Variants in RASL12 observed in about 807,000 individuals in gnomAD.
RASL12 encodes the protein ras-like protein family member 12.
In RASL12, 16 loss-of-function variants were observed where a neutral mutation model predicts 22.9. That is an observed-to-expected ratio of 0.70 (90% CI 0.47 to 1.06). The LOEUF (loss-of-function observed/expected upper bound fraction) is 1.06. Ranked by LOEUF, RASL12 falls within the 50% of genes least tolerant of loss-of-function variation. The pLI, the probability that RASL12 is intolerant of heterozygous loss-of-function variation, is 0.00. For missense variants in RASL12, 306 were observed against 353.1 expected, an observed-to-expected ratio of 0.87 and a Z score of 1.07; for synonymous variants, 159 against 152.2, an observed-to-expected ratio of 1.04 and a Z score of -0.33.
At chr15:65,049,252 T>G (rs974771450), downstream of RASL12, 1 of 147,458 alleles carries the variant, frequency 6.8e-6, no homozygotes, top group African/African-American at 2.5e-5. Flanking sequence ...CTACACGAAG[T>G]AAGGGATTTA....
At chr15:65,075,170 C>A (rs1395004188) in intron 1 of RASL12, among the ~76,000 whole-genome samples, 1 of 152,248 alleles carries the variant, frequency 6.6e-6, no homozygotes. Context: ...GCACCCGGGC[C>A]AGTGGCTGCG....
the RASL12 span, among the ~76,000 whole-genome samples, chr15:65,047,795 T>TGATAGATAGATA: frequency 1.9e-3 from 280 of 149,946 alleles, no homozygotes; most frequent in African/African-American, 3.3e-3. Context: ...GATCGATAGA[T>TGATAGATAGATA]GATAGATAGA....
chr15:65,068,386 C>T (rs1335815903), upstream of RASL12: 11 of 729,756 alleles, frequency 1.5e-5, no homozygotes, highest in African/African-American at 1.9e-5. The surrounding 1 kb of genome is among the most constrained non-coding windows in gnomAD (Gnocchi z 4.2). Context: ...CCAAGCCTTG[C>T]CCTTTCTTTA....
chr15:65,053,975 G>A lies in RASL12; in HGVS notation c.*924C>T, dbSNP rs2086693417. 2.0e-6 allele frequency: 2 copies of A among 985,748 alleles called. No individual in the cohort carries two copies. The highest frequency in any genetic ancestry group is 6.1e-5 in the Admixed American group (1 of 16,268). The allele number at this position is 985,748 out of a possible 1,614,324, so 61.1% of individuals were successfully genotyped here. On this transcript the variant is annotated 3_prime_UTR_variant, in exon 5 of 5. Transcript: ENST00000220062. ...TGAACACTCAGACTCATTGCTGAGGGTCCTGGGTCCTGCCAAACCAGATGA... is the reference window on the plus strand; with the variant it reads ...TGAACACTCAGACTCATTGCTGAGGATCCTGGGTCCTGCCAAACCAGATGA...
At chr15:65,045,859 C>T in the RASL12 span, among the ~76,000 whole-genome samples, 3 of 152,238 alleles carry the variant, frequency 2.0e-5, no homozygotes, top group African/African-American at 4.8e-5. Flanking sequence ...AAACTGGATA[C>T]GTGCTTTGAT....
intron 4 of RASL12, among the ~76,000 whole-genome samples, chr15:65,058,089 C>T (rs754701951): frequency 1.3e-5 from 2 of 152,076 alleles, no homozygotes; most frequent in Non-Finnish European, 1.5e-5. Flanking sequence ...GCCAAAAAGG[C>T]GAAACCCCAT....
downstream of RASL12, chr15:65,053,240 T>C: frequency 6.5e-7 from 1 of 1,538,186 alleles, no homozygotes; most frequent in Non-Finnish European, 8.7e-7. Context: ...ACCTCTCAGG[T>C]TTTAGAGTCT....
intron 1 of RASL12, among the ~76,000 whole-genome samples, chr15:65,066,476 T>C (rs981074762): frequency 1.3e-5 from 2 of 152,000 alleles, no homozygotes; most frequent in East Asian, 1.9e-4. Flanking sequence ...GATCGCGCCA[T>C]TGTACTCCAG....
In RASL12 at chr15:65,053,952, A is replaced by G. The variant is rs1242914190; in HGVS notation, c.*947T>C. 3.0e-6 allele frequency: 3 copies of G among 985,752 alleles called. No homozygotes were observed. The African/African-American group carries it at 5.2e-5, about 17-fold the overall frequency. The allele number at this position is 985,752 out of a possible 1,614,324, so 61.1% of individuals were successfully genotyped here. On this transcript the variant is annotated 3_prime_UTR_variant, in exon 5 of 5. Coordinates refer to ENST00000220062, the MANE Select transcript of RASL12 (RefSeq NM_016563.4). ...GCTTTAGGTTCTAAAGTGGGCTTTGAACACTCAGACTCATTGCTGAGGGTC... is the reference window on the plus strand; with the variant it reads ...GCTTTAGGTTCTAAAGTGGGCTTTGGACACTCAGACTCATTGCTGAGGGTC...
intron 3 of RASL12, 141 bp from the exon 4 acceptor site, chr15:65,058,758 A>C: frequency 1.6e-6 from 1 of 616,646 alleles, no homozygotes; most frequent in Non-Finnish European, 2.6e-6. Flanking sequence ...GGGGCACTTG[A>C]GTGTGGATTT....
chr15:65,049,009 C>CA (rs67842486), downstream of RASL12, among the ~76,000 whole-genome samples: 46,307 of 94,118 alleles, frequency 0.49, 10,297 homozygotes, highest in South Asian at 0.61. Flanking sequence ...GACTCCGTCT[C>CA]AAAAAAAAAA....
At chr15:65,050,833 CTTCTTTTTT>C (rs1411724933), downstream of RASL12, among the ~76,000 whole-genome samples, 3 of 88,600 alleles carry the variant, frequency 3.4e-5, no homozygotes, top group African/African-American at 9.1e-5. Flanking sequence ...TCTTCTTCTT[CTTCTTTTTT>C]TTTTTTTTTT....
At chr15:65,062,624 C>G (rs1473869637) in intron 2 of RASL12, among the ~76,000 whole-genome samples, 1 of 152,218 alleles carries the variant, frequency 6.6e-6, no homozygotes, top group Non-Finnish European at 1.5e-5. Flanking sequence ...AAACCCTCAT[C>G]TACACTGAAG....
chr15:65,062,609 C>G (rs189233486), intron 2 of RASL12, among the ~76,000 whole-genome samples: 75 of 151,080 alleles, frequency 5.0e-4, no homozygotes, highest in African/African-American at 1.7e-3. Flanking sequence ...ACCACCCCCC[C>G]AGTTAAACCC....
downstream of RASL12, chr15:65,051,553 G>C (rs768347893): frequency 6.8e-6 from 11 of 1,613,700 alleles, no homozygotes; most frequent in Non-Finnish European, 8.5e-6. Flanking sequence ...CCTGGCAGCT[G>C]TGGTGGTCAT....
At chr15:65,060,337 C>T (rs2086786768) in intron 2 of RASL12, among the ~76,000 whole-genome samples, 1 of 152,132 alleles carries the variant, frequency 6.6e-6, no homozygotes, top group Non-Finnish European at 1.5e-5. Flanking sequence ...TTTAGACTGA[C>T]ATAGAAGTTG....
chr15:65,062,976 A>G (rs1275528115), intron 2 of RASL12, among the ~76,000 whole-genome samples: 1 of 152,158 alleles, frequency 6.6e-6, no homozygotes, highest in Non-Finnish European at 1.5e-5. Flanking sequence ...GTGAGAGACC[A>G]CAGACCAAGG....
chr15:65,045,892 G>A, the RASL12 span, among the ~76,000 whole-genome samples: 4 of 152,362 alleles, frequency 2.6e-5, no homozygotes, highest in South Asian at 4.1e-4. Context: ...TTGGCCGGGC[G>A]CAGTGGCTCA....
At chr15:65,068,417 A>C, upstream of RASL12, 3 of 400,024 alleles carry the variant, frequency 7.5e-6, no homozygotes, top group Non-Finnish European at 1.0e-5. The surrounding 1 kb of genome is among the most constrained non-coding windows in gnomAD (Gnocchi z 4.2). Flanking sequence ...GGCACTCTAT[A>C]TCCCCAATCA....
Sources: allele counts gnomAD v4.1 joint callset (sites outside exome capture counted in the v4.1 genomes callset), GRCh38; gene constraint gnomAD v4.1.1; non-coding constraint Gnocchi (gnomAD v3.1); transcripts MANE v1.5; gene names NCBI Gene and HGNC (gene_info 2026-07-23, HGNC 2026-07-21).